The following NCAM2 variants were observed in gnomAD, a reference collection of about 807,000 sequenced individuals.
NCAM2 encodes neural cell adhesion molecule 2, also known as N-CAM-2.
NCAM2 carries 30 observed loss-of-function variants against 98.1 expected under a neutral mutation model. The observed-to-expected ratio is 0.31, with a 90% CI of 0.23 to 0.41. The LOEUF is 0.41. Among genes scored for constraint, NCAM2 ranks in the 10% least tolerant of loss-of-function variants. The pLI, the probability that NCAM2 is intolerant of heterozygous loss-of-function variation, is 1.00. For synonymous variants in NCAM2, 368 were observed against 342.4 expected, an observed-to-expected ratio of 1.07 and a Z score of -0.83; for missense variants, 867 against 1,005.8, an observed-to-expected ratio of 0.86 and a Z score of 1.87.
intron 1 of NCAM2, among the ~76,000 whole-genome samples, chr21:21,259,315 C>A (rs535555324): frequency 6.6e-6 from 1 of 152,270 alleles, no homozygotes; most frequent in African/African-American, 2.4e-5. Flanking sequence ...ATTCATGGTC[C>A]ACAGCCACAC....
At chr21:21,125,362 C>CATATATATGTAATATATAATATTTTAT (rs2066767899) in intron 1 of NCAM2, among the ~76,000 whole-genome samples, 2 of 144,904 alleles carry the variant, frequency 1.4e-5, no homozygotes, top group Non-Finnish European at 3.0e-5. Flanking sequence ...TAATATTTTA[C>CATATATATGTAATATATAATATTTTAT]ATATATATGT....
chr21:21,451,308 A>C (rs1602380467), intron 12 of NCAM2, among the ~76,000 whole-genome samples: 1 of 152,194 alleles, frequency 6.6e-6, no homozygotes, highest in African/African-American at 2.4e-5. Flanking sequence ...GTCAAATCAA[A>C]TTAAACCATC....
chr21:21,468,579 A>C, intron 13 of NCAM2, 83 bp from the exon 14 acceptor site: 1 of 1,347,388 alleles, frequency 7.4e-7, no homozygotes, highest in East Asian at 2.5e-5. Context: ...TTTTGATTAC[A>C]TTACTGTTCT....
At chr21:21,041,443 G>A (rs2064902725) in intron 1 of NCAM2, among the ~76,000 whole-genome samples, 1 of 152,130 alleles carries the variant, frequency 6.6e-6, no homozygotes. Flanking sequence ...TAACTTCTTT[G>A]AGAGTGATTT....
At chr21:21,297,347 A>T (rs183615750) in intron 5 of NCAM2, among the ~76,000 whole-genome samples, 1 of 151,814 alleles carries the variant, frequency 6.6e-6, no homozygotes, top group Admixed American at 6.6e-5. Flanking sequence ...CTTGATAGTC[A>T]TAAAAAAATT....
At chr21:21,087,496 G>T (rs2065927525) in intron 1 of NCAM2, among the ~76,000 whole-genome samples, 1 of 152,068 alleles carries the variant, frequency 6.6e-6, no homozygotes, top group Non-Finnish European at 1.5e-5. Context: ...TGGTCCTTTG[G>T]ACTAAGGGGT....
At chr21:21,004,104 C>G (rs1006740079) in intron 1 of NCAM2, among the ~76,000 whole-genome samples, 1 of 152,112 alleles carries the variant, frequency 6.6e-6, no homozygotes, top group Non-Finnish European at 1.5e-5. Flanking sequence ...TACTAGAGCT[C>G]CAGTCTCCAA....
chr21:21,525,956 C>A (rs180690599), intron 16 of NCAM2, among the ~76,000 whole-genome samples: 1 of 152,094 alleles, frequency 6.6e-6, no homozygotes, highest in African/African-American at 2.4e-5. Flanking sequence ...GATACCCATT[C>A]ATAATAAAAG....
rs531425666 is a variant in NCAM2, at chr21:21,241,584, A to G, written c.56-38994A>G. On this transcript the variant is annotated intron_variant, in intron 1 of 17. Transcript: ENST00000400546. ...GCTTTACCCCACTGCAGTAGGGCAG[A>G]TGGTGAAGAGGGGTCTAATGGCAAG... Among the ~76,000 whole-genome samples the G allele has an allele frequency of 3.3e-5, 5 of 152,264 alleles. 1 individual carries two copies. In the South Asian group the frequency reaches 6.2e-4, roughly 19 times the overall value.
chr21:21,219,997 A>G (rs951882744), intron 1 of NCAM2, among the ~76,000 whole-genome samples: 4 of 152,166 alleles, frequency 2.6e-5, no homozygotes, highest in African/African-American at 9.7e-5. Flanking sequence ...ATGAAGAAAG[A>G]AAGCATTTAT....
chr21:21,086,322 C>T (rs2065905119), intron 1 of NCAM2, among the ~76,000 whole-genome samples: 1 of 152,142 alleles, frequency 6.6e-6, no homozygotes, highest in Non-Finnish European at 1.5e-5. Flanking sequence ...CAAAGAAGGA[C>T]AATTTAAATG....
chr21:21,272,653 AAGGG>A lies in NCAM2; in HGVS notation c.56-7923_56-7920del, dbSNP rs2072559862. 2.6e-5 allele frequency among the ~76,000 whole-genome samples: 4 copies of A among 152,234 alleles called. No homozygotes were observed. The South Asian group carries it at 8.3e-4, about 32-fold the overall frequency. On this transcript the variant is annotated intron_variant, in intron 1 of 17. Coordinates refer to ENST00000400546, the MANE Select transcript of NCAM2 (RefSeq NM_004540.5). ...AGCAAGAATGAAGAGAGACATATTT[AAGGG>A]ACATTTAAAAAAAGAATGAGTTGGA...
chr21:21,163,539 C>T (rs558309940), intron 1 of NCAM2, among the ~76,000 whole-genome samples: 1 of 152,162 alleles, frequency 6.6e-6, no homozygotes, highest in Admixed American at 6.5e-5. Context: ...CACAGTTTGT[C>T]TTTGCTATGC....
chr21:21,183,008 A>G (rs1326474128), intron 1 of NCAM2, among the ~76,000 whole-genome samples: 3 of 152,192 alleles, frequency 2.0e-5, no homozygotes, highest in East Asian at 3.8e-4. Flanking sequence ...GTAATGCAAT[A>G]CAGATGATAA....
intron 1 of NCAM2, among the ~76,000 whole-genome samples, chr21:21,087,741 C>A (rs1014656538): frequency 6.6e-6 from 1 of 152,048 alleles, no homozygotes; most frequent in Non-Finnish European, 1.5e-5. Context: ...ACTAAGGATG[C>A]GTCTCATTTA....
intron 1 of NCAM2, among the ~76,000 whole-genome samples, chr21:21,119,219 A>G (rs2066623078): frequency 6.6e-6 from 1 of 152,156 alleles, no homozygotes; most frequent in Non-Finnish European, 1.5e-5. Context: ...ATTACTTCAC[A>G]GTAATATTAT....
chr21:21,126,032 A>C (rs1316937459), intron 1 of NCAM2, among the ~76,000 whole-genome samples: 1 of 151,762 alleles, frequency 6.6e-6, no homozygotes, highest in Non-Finnish European at 1.5e-5. Context: ...AAATTTTGTA[A>C]TGTTTGTCTA....
At chr21:21,147,392 C>A in intron 1 of NCAM2, 2 of 551,928 alleles carry the variant, frequency 3.6e-6, no homozygotes, top group Non-Finnish European at 4.6e-6. Context: ...GTGACTCAGT[C>A]ACTTCACTCT....
At chr21:21,093,500 T>A (rs1389611578) in intron 1 of NCAM2, among the ~76,000 whole-genome samples, 1 of 152,078 alleles carries the variant, frequency 6.6e-6, no homozygotes, top group Non-Finnish European at 1.5e-5. Context: ...TATTAACAAA[T>A]CAGGCAGATT....
Sources: gnomAD v4.1 joint callset for allele counts (sites outside exome capture counted in the v4.1 genomes callset) on GRCh38, gnomAD v4.1.1 for gene constraint, MANE v1.5 for transcripts, NCBI Gene and HGNC (gene_info 2026-07-23, HGNC 2026-07-21) for gene names.